The following NEMF variants were observed in gnomAD, a reference collection of about 807,000 sequenced individuals.
NEMF encodes ribosome quality control complex subunit NEMF.
A neutral mutation model predicts 162.2 loss-of-function variants in NEMF; 89 were observed. The observed-to-expected ratio is 0.55, with a 90% CI of 0.46 to 0.65. The LOEUF (loss-of-function observed/expected upper bound fraction) is 0.65, where lower values mean the gene tolerates loss of function less well. Among genes scored for constraint, NEMF ranks in the 30% least tolerant of loss-of-function variants. NEMF has a pLI of 0.00. For synonymous variants in NEMF, 421 were observed against 404.5 expected, an observed-to-expected ratio of 1.04 and a Z score of -0.49; for missense variants, 1,133 against 1,261.9, an observed-to-expected ratio of 0.90 and a Z score of 1.55.
intron 28 of NEMF, 144 bp from the exon 29 acceptor site, chr14:49,786,894 C>T (rs1594717701): frequency 1.5e-6 from 1 of 656,184 alleles, no homozygotes; most frequent in East Asian, 2.7e-5. Context: ...AGGTTATATT[C>T]TTCCTAAGAC....
At chr14:49,805,850 T>C (rs1378680158) in intron 19 of NEMF, among the ~76,000 whole-genome samples, 171 bp downstream of exon 19, 1 of 152,112 alleles carries the variant, frequency 6.6e-6, no homozygotes, top group Non-Finnish European at 1.5e-5. Flanking sequence ...TTCCATGCTT[T>C]TAAAAACACT....
In NEMF at chr14:49,790,739, C is replaced by T. The variant is rs377192727; in HGVS notation, c.2620-1166G>A. Among the ~76,000 whole-genome samples, 22 of 152,232 alleles carry T rather than the reference C, an allele frequency of 1.4e-4. No individual in the cohort carries two copies. The East Asian group carries it at 3.3e-3, about 23-fold the overall frequency. On this transcript the variant is annotated intron_variant, in intron 26 of 32. Coordinates refer to ENST00000298310, the MANE Select transcript of NEMF (RefSeq NM_004713.6). Reference sequence around the variant, plus strand: ...GCACGGTGGCTCACACCTGTAATCCCAACACTTTGGGAGGTCTGGGTAGGT... The same window carrying T: ...GCACGGTGGCTCACACCTGTAATCCTAACACTTTGGGAGGTCTGGGTAGGT...
chr14:49,837,579 C>T (rs940742144), intron 6 of NEMF, among the ~76,000 whole-genome samples: 2 of 152,088 alleles, frequency 1.3e-5, no homozygotes, highest in African/African-American at 4.8e-5. Context: ...ACATGCTATA[C>T]TAACAGCTGG....
intron 28 of NEMF, among the ~76,000 whole-genome samples, chr14:49,788,553 TC>T (rs1890287006): frequency 3.0e-5 from 2 of 67,662 alleles, no homozygotes; most frequent in African/African-American, 1.1e-4. Context: ...CAATTTTCTC[TC>T]TCTCTTTTTT....
chr14:49,784,892 T>C (rs774958993), intron 32 of NEMF, 33 bp downstream of exon 32: 1 of 1,557,782 alleles, frequency 6.4e-7, no homozygotes, highest in South Asian at 1.1e-5. Flanking sequence ...GTACTGTCAG[T>C]CTCCACATTC....
At chr14:49,792,501 C>G (rs545452219) in intron 26 of NEMF, among the ~76,000 whole-genome samples, 2 of 152,136 alleles carry the variant, frequency 1.3e-5, no homozygotes, top group Non-Finnish European at 2.9e-5. Flanking sequence ...CATGAGCCAC[C>G]GTGCCCAGCC....
chr14:49,799,235 G>GAAAAAAAAAAAAAA (rs1402728880), intron 25 of NEMF, among the ~76,000 whole-genome samples: 3 of 54,960 alleles, frequency 5.5e-5, no homozygotes, highest in Non-Finnish European at 9.1e-5. Context: ...AAAAAAAAAG[G>GAAAAAAAAAAAAAA]AAAATGTTAA....
intron 5 of NEMF, among the ~76,000 whole-genome samples, chr14:49,840,239 ATT>A (rs1893129541): frequency 6.6e-6 from 1 of 152,214 alleles, no homozygotes; most frequent in African/African-American, 2.4e-5. Flanking sequence ...AGGCAGGCAG[ATT>A]GCCTGAGGTC....
intron 4 of NEMF, among the ~76,000 whole-genome samples, chr14:49,841,556 A>G (rs900380025): frequency 6.7e-6 from 1 of 149,778 alleles, no homozygotes; most frequent in African/African-American, 2.5e-5. Flanking sequence ...CCTGGGCAAC[A>G]AGAGCGAAAC....
At chr14:49,804,579 T>C (rs767480336) in intron 19 of NEMF, among the ~76,000 whole-genome samples, 1 of 151,804 alleles carries the variant, frequency 6.6e-6, no homozygotes, top group Admixed American at 6.6e-5. Context: ...AAGCAGAGAA[T>C]TGCTTGAACC....
intron 18 of NEMF, 39 bp downstream of exon 18, chr14:49,813,945 TAAAG>T (rs1891602328): frequency 8.5e-7 from 1 of 1,178,466 alleles, no homozygotes; most frequent in South Asian, 1.2e-5. Flanking sequence ...AAAAATATTT[TAAAG>T]AAAGGAACAG....
chr14:49,794,955 T>A (rs935387995), intron 26 of NEMF, among the ~76,000 whole-genome samples: 1 of 151,912 alleles, frequency 6.6e-6, no homozygotes. Context: ...TGGCCTCAAG[T>A]GATCCACCTG....
chr14:49,812,326 G>A (rs557612519), intron 18 of NEMF, among the ~76,000 whole-genome samples: 2 of 151,770 alleles, frequency 1.3e-5, no homozygotes, highest in South Asian at 4.2e-4. Flanking sequence ...TCTAGCCAAG[G>A]GTTTATCAAT....
intron 19 of NEMF, among the ~76,000 whole-genome samples, chr14:49,805,438 G>A (rs1280022235): frequency 6.6e-6 from 1 of 151,772 alleles, no homozygotes; most frequent in Non-Finnish European, 1.5e-5. Context: ...TGAAGCAAGA[G>A]GACCACTTAA....
In NEMF at chr14:49,786,634, GT is replaced by G. The variant is rs945224480; in HGVS notation, c.2928+83del. On this transcript the variant is annotated intron_variant, in intron 29 of 32. Transcript: ENST00000298310. ...CTGCAGTCTTGTCTTAGGTTTCTAA[GT>G]TTTAATAAGTTGTGTTTCAAACATT... 1.9e-4 allele frequency: 263 copies of G among 1,362,212 alleles called. 3 individuals are homozygous for G. In the Admixed American group the frequency reaches 4.8e-3, roughly 25 times the overall value. 84.4% of individuals were successfully genotyped at this position (1,362,212 alleles called of 1,614,324 possible).
chr14:49,796,454 C>T (rs1049207327), intron 25 of NEMF: 1 of 337,278 alleles, frequency 3.0e-6, no homozygotes, highest in Non-Finnish European at 5.8e-6. Flanking sequence ...CAGACTTCCT[C>T]CAGAGTCTAC....
intron 18 of NEMF, among the ~76,000 whole-genome samples, chr14:49,811,836 T>C (rs1891494824): frequency 1.3e-5 from 2 of 152,342 alleles, no homozygotes; most frequent in Admixed American, 6.5e-5. Flanking sequence ...TAGATTCAGT[T>C]TGCTAATATT....
intron 16 of NEMF, among the ~76,000 whole-genome samples, chr14:49,819,690 C>T (rs1956384904): frequency 6.6e-6 from 1 of 152,154 alleles, no homozygotes; most frequent in African/African-American, 2.4e-5. Flanking sequence ...GCTGGGATTA[C>T]AGGCGTGAGC....
chr14:49,784,580 A>ACTT lies in NEMF; in HGVS notation c.*53_*55dup. On this transcript the variant is annotated 3_prime_UTR_variant, in exon 33 of 33. Transcript: ENST00000298310. ...TGATACATGGTGCTTTCATCTTTGAACTTCCAAAAGGCTATAAAATTGGCT... is the reference window on the plus strand; with the variant it reads ...TGATACATGGTGCTTTCATCTTTGAACTTCTTCCAAAAGGCTATAAAATTGGCT... 8.1e-7 allele frequency: 1 copy of ACTT among 1,228,116 alleles called. No individual in the cohort carries two copies. Among genetic ancestry groups the ACTT allele is most frequent in the South Asian group, 1.3e-5 (1 of 77,484 alleles). The allele number at this position is 1,228,116 out of a possible 1,614,324, so 76.1% of individuals were successfully genotyped here.
Sources: gnomAD v4.1 joint callset for allele counts (sites outside exome capture counted in the v4.1 genomes callset) on GRCh38, gnomAD v4.1.1 for gene constraint, MANE v1.5 for transcripts, NCBI Gene and HGNC (gene_info 2026-07-23, HGNC 2026-07-21) for gene names.